The following SLC27A2 variants were observed in gnomAD, a reference collection of about 807,000 sequenced individuals.
SLC27A2 encodes the protein solute carrier family 27 member 2, also known as long-chain fatty acid transport protein 2.
SLC27A2 carries 54 observed loss-of-function variants against 60.0 expected under a neutral mutation model. The observed-to-expected ratio is 0.90, with a 90% CI of 0.72 to 1.13. SLC27A2 has a LOEUF of 1.13. Ranked by LOEUF, SLC27A2 falls within the 50% of genes most tolerant of loss-of-function variation. SLC27A2 has a pLI of 0.00. For missense variants in SLC27A2, 739 were observed against 777.6 expected, an observed-to-expected ratio of 0.95 and a Z score of 0.59; for synonymous variants, 297 against 297.6, an observed-to-expected ratio of 1.00 and a Z score of 0.02.
intron 5 of SLC27A2, 135 bp from the exon 6 acceptor site, chr15:50,225,853 G>A: frequency 1.9e-6 from 1 of 515,770 alleles, no homozygotes; most frequent in East Asian, 2.9e-5. Context: ...CTCTCTCTGG[G>A]TGGCAGTTTT....
chr15:50,216,774 A>AAT (rs2045200611), intron 4 of SLC27A2, among the ~76,000 whole-genome samples: 1 of 145,382 alleles, frequency 6.9e-6, no homozygotes, highest in East Asian at 2.0e-4. Context: ...ATTCCATAAA[A>AAT]ATATATATAT....
At chr15:50,204,919 A>T (rs2045098944) in intron 3 of SLC27A2, among the ~76,000 whole-genome samples, 1 of 147,582 alleles carries the variant, frequency 6.8e-6, no homozygotes, top group Admixed American at 6.8e-5. Context: ...TATATATATA[A>T]TATAATATAT....
intron 4 of SLC27A2, among the ~76,000 whole-genome samples, chr15:50,216,822 G>T (rs1394568937): frequency 8.0e-6 from 1 of 125,624 alleles, no homozygotes; most frequent in African/African-American, 3.1e-5. Flanking sequence ...TATATTTTAT[G>T]GATATATAAA....
At chr15:50,195,899 C>T (rs929965038) in intron 1 of SLC27A2, among the ~76,000 whole-genome samples, 4 of 148,412 alleles carry the variant, frequency 2.7e-5, no homozygotes, top group Non-Finnish European at 4.5e-5. Context: ...ACTAAAAATA[C>T]AAAAAATTAA....
intron 4 of SLC27A2, among the ~76,000 whole-genome samples, chr15:50,207,070 G>A (rs950879846): frequency 1.3e-5 from 2 of 152,042 alleles, no homozygotes; most frequent in Non-Finnish European, 2.9e-5. Flanking sequence ...CTTCTGCTGG[G>A]CTTTTCTTCT....
intron 4 of SLC27A2, among the ~76,000 whole-genome samples, chr15:50,211,569 C>T (rs1176178766): frequency 6.6e-6 from 1 of 152,172 alleles, no homozygotes; most frequent in Non-Finnish European, 1.5e-5. Flanking sequence ...AAAGCCAAGG[C>T]TCATCAACAT....
intron 4 of SLC27A2, among the ~76,000 whole-genome samples, chr15:50,219,195 T>C (rs961738681): frequency 3.3e-5 from 5 of 152,116 alleles, no homozygotes; most frequent in African/African-American, 1.2e-4. Context: ...AATCTGAAAT[T>C]GACGAAACAA....
chr15:50,218,868 A>G (rs2045221725), intron 4 of SLC27A2, among the ~76,000 whole-genome samples: 1 of 152,228 alleles, frequency 6.6e-6, no homozygotes, highest in South Asian at 2.1e-4. Flanking sequence ...AGACTGGAGC[A>G]GAGGAGACAA....
Position 50,223,000 on chromosome 15 carries a change from A to C in SLC27A2, c.1008A>C (p.Ala336=), listed in dbSNP as rs2045254068. ...PNDRDHKVRL[A]LGNGLRGDVW... ...ACCGTGATCATAAAGTGAGACTGGC[A>C]CTGGGAAATGGCTTACGAGGAGATG... is the stretch of plus-strand genomic sequence containing the variant. The change falls in exon 5 of 10, where the codon GCA becomes GCC. Residue 336 remains alanine, a synonymous_variant. Transcript: ENST00000267842. 1 of 1,613,368 alleles carries C rather than the reference A, an allele frequency of 6.2e-7. No homozygotes were observed. The highest frequency in any genetic ancestry group is 2.2e-5 in the East Asian group (1 of 44,856).
intron 1 of SLC27A2, among the ~76,000 whole-genome samples, chr15:50,194,649 T>G (rs1013865328): frequency 6.6e-6 from 1 of 152,072 alleles, no homozygotes; most frequent in Non-Finnish European, 1.5e-5. Context: ...GTCAGGAGGC[T>G]ATAGCAATAA....
Position 50,182,442 on chromosome 15 carries a change from C to T in SLC27A2, c.15C>T (p.Ile5=), listed in dbSNP as rs562304199. 3.1e-6 allele frequency: 5 copies of T among 1,602,926 alleles called. No homozygotes were observed. In the African/African-American group the frequency reaches 6.7e-5, roughly 21 times the overall value. The change falls in exon 1 of 10, where the codon ATC becomes ATT. Residue 5 remains isoleucine (I), a synonymous_variant. Transcript: ENST00000267842. MLSA[I]YTVLAGLLFL... is the part of the protein sequence containing the mutation. ...CCGCAGCCGTCATGCTTTCCGCCAT[C>T]TACACAGTCCTGGCGGGACTGCTGT...
At chr15:50,222,352 ACTCTTCC>A in intron 4 of SLC27A2, among the ~76,000 whole-genome samples, 1 of 151,322 alleles carries the variant, frequency 6.6e-6, no homozygotes, top group East Asian at 1.9e-4. Context: ...CATGGTCAAG[ACTCTTCC>A]CTGCAGTTCC....
At chr15:50,198,535 A>G (rs1442882731) in intron 2 of SLC27A2, 1 of 152,096 alleles carries the variant, frequency 6.6e-6, no homozygotes, top group African/African-American at 2.4e-5. Context: ...CACAGCTCAT[A>G]CAATTGACAG....
chr15:50,201,561 C>CT (rs112780212), intron 2 of SLC27A2, among the ~76,000 whole-genome samples: 157 of 145,428 alleles, frequency 1.1e-3, no homozygotes, highest in Middle Eastern at 3.5e-3. Context: ...GTGCATATTT[C>CT]TTTTTTTTTT....
Position 50,182,847 on chromosome 15 carries a change from G to A in SLC27A2, c.420G>A (p.Ala140=). The A allele has an allele frequency of 6.2e-7, 1 of 1,613,158 alleles. No individual in the cohort carries two copies. Among genetic ancestry groups the A allele is most frequent in the Non-Finnish European group, 8.5e-7 (1 of 1,179,964 alleles). Residue 140 remains alanine (A), a synonymous_variant, in exon 1 of 10, where the codon GCG becomes GCA. Coordinates refer to ENST00000267842, the MANE Select transcript of SLC27A2 (RefSeq NM_003645.4). ...CGTGCCTCAATTACAACATCCGCGCGAAGTCCCTGCTGCACTGCTTCCAGT... is the reference window on the plus strand; with the variant it reads ...CGTGCCTCAATTACAACATCCGCGCAAAGTCCCTGCTGCACTGCTTCCAGT... ...AMACLNYNIR[A]KSLLHCFQCC... is the part of the protein sequence containing the mutation.
chr15:50,231,631 G>T (rs2045317607), intron 8 of SLC27A2, among the ~76,000 whole-genome samples: 1 of 152,192 alleles, frequency 6.6e-6, no homozygotes, highest in African/African-American at 2.4e-5. Context: ...TGGACCAGAA[G>T]CTCTGGAGTA....
chr15:50,196,070 A>T (rs2045015948), intron 1 of SLC27A2, among the ~76,000 whole-genome samples: 1 of 23,488 alleles, frequency 4.3e-5, no homozygotes, highest in African/African-American at 1.4e-4. Context: ...AAAAAAAAAA[A>T]AAAAAAAATA....
chr15:50,214,993 G>T (rs2045184594), intron 4 of SLC27A2, among the ~76,000 whole-genome samples: 2 of 151,936 alleles, frequency 1.3e-5, no homozygotes, highest in South Asian at 4.1e-4. Context: ...AGAAATACAG[G>T]GCATCCAAAT....
intron 3 of SLC27A2, among the ~76,000 whole-genome samples, chr15:50,204,501 A>G (rs964427321): frequency 1.3e-5 from 2 of 152,128 alleles, no homozygotes; most frequent in South Asian, 2.1e-4. Flanking sequence ...TGGGAGGCCA[A>G]GGGGTACAGA....
Sources: allele counts gnomAD v4.1 joint callset (sites outside exome capture counted in the v4.1 genomes callset), GRCh38; gene constraint gnomAD v4.1.1; transcripts MANE v1.5; gene names NCBI Gene and HGNC (gene_info 2026-07-23, HGNC 2026-07-21).